MKI67: variants seen among roughly 807,000 people sequenced by gnomAD.
MKI67 encodes the protein marker of proliferation Ki-67.
In MKI67, 152 loss-of-function variants were observed where a neutral mutation model predicts 233.5. The observed-to-expected ratio is 0.65, with a 90% CI of 0.57 to 0.74. MKI67 has a LOEUF of 0.74. Ranked by LOEUF, MKI67 falls within the 30% of genes least tolerant of loss-of-function variation. The pLI is 0.00. For synonymous variants in MKI67, 1,465 were observed against 1,418.5 expected, an observed-to-expected ratio of 1.03 and a Z score of -0.74; for missense variants, 3,940 against 3,885.2, an observed-to-expected ratio of 1.01 and a Z score of -0.37.
Position 128,101,422 on chromosome 10 carries a change from C to T in MKI67, c.9541G>A (p.Val3181Ile), listed in dbSNP as rs768217731. ...EESGGQKSAK[V>I]LMQNQKGKGE... ...TTCCCTTTCTGATTCTGCATGAGAA[C>T]CTTCGCACTCTTCTGCCCTCCGCTC... The change falls in exon 14 of 15, where the codon GTT becomes ATT. Residue 3181 changes from valine (V) to isoleucine (I), a missense_variant. By Grantham distance (29) the Val-to-Ile change is conservative (BLOSUM62 3). Coordinates refer to ENST00000368654, the MANE Select transcript of MKI67 (RefSeq NM_002417.5). The T allele has an allele frequency of 5.6e-6, 9 of 1,614,064 alleles. No homozygotes were observed. The highest frequency in any genetic ancestry group is 4.5e-5 in the East Asian group (2 of 44,896).
In MKI67 at chr10:128,119,260, C is replaced by T. The variant is rs751239951; in HGVS notation, c.347G>A (p.Arg116His). The T allele has an allele frequency of 8.7e-6, 14 of 1,604,534 alleles. No homozygotes were observed. The highest frequency in any genetic ancestry group is 2.2e-5 in the East Asian group (1 of 44,788). Residue 116 changes from arginine to histidine, a missense_variant, in exon 5 of 15, where the codon CGT (arginine) becomes CAT (histidine). Transcript: ENST00000368654. ...TTGGATATTTTCTATCACCTGTTCA[C>T]GTATTTTTCTTGGAAATTCAGTTGA... Reference protein sequence around the residue: ...RKSTEFPRKIREQEPARRVSR... With the variant: ...RKSTEFPRKIHEQEPARRVSR...
rs780835481 is a variant in MKI67 at position 128,105,213 on chromosome 10, C to A, written c.6627G>T (p.Lys2209Asn). The change falls in exon 13 of 15, where the codon AAG becomes AAT. Residue 2209 changes from lysine (K) to asparagine (N), a missense_variant. Coordinates refer to ENST00000368654, the MANE Select transcript of MKI67 (RefSeq NM_002417.5). ...ELFQTPICTDKPTTHEKTTKI... is the reference protein window; with the variant it reads ...ELFQTPICTDNPTTHEKTTKI... The stretch of plus-strand genomic sequence containing the variant: ...TGGTAGTTTTCTCATGAGTCGTGGG[C>A]TTGTCAGTGCATATTGGTGTCTGGA... 6.2e-7 allele frequency: 1 copy of A among 1,613,446 alleles called. No homozygotes were observed. The highest frequency in any genetic ancestry group is 1.1e-5 in the South Asian group (1 of 91,038).
chr10:128,107,681 T>C lies in MKI67; in HGVS notation c.4159A>G (p.Thr1387Ala). ...AAAGGTGTCTTGGGCTGCCTTCTTGTGCTTGTTGGGGTGTCTGCTGATTCT... is the reference window on the plus strand; with the variant it reads ...AAAGGTGTCTTGGGCTGCCTTCTTGCGCTTGTTGGGGTGTCTGCTGATTCT... ...PPESADTPTS[T>A]RRQPKTPLEK... The change falls in exon 13 of 15, where the codon ACA becomes GCA. Residue 1387 changes from threonine (T) to alanine (A), a missense_variant. Thr to Ala is a moderately conservative substitution (Grantham distance 58). Coordinates refer to ENST00000368654, the MANE Select transcript of MKI67 (RefSeq NM_002417.5). The C allele has an allele frequency of 1.2e-6, 2 of 1,613,986 alleles. No homozygotes were observed. Among genetic ancestry groups the C allele is most frequent in the Non-Finnish European group, 1.7e-6 (2 of 1,180,018 alleles).
Position 128,110,486 on chromosome 10 carries a change from TCAA to T in MKI67, c.2305_2307del (p.Leu769del). On this transcript the variant is annotated inframe_deletion, in exon 12 of 15. Transcript: ENST00000368654. ...GAAATAGCGATGTGACATGTGCTTGTCAACTGCGGTTGCTCCTTCACTGGGGTC... is the reference window on the plus strand; with the variant it reads ...GAAATAGCGATGTGACATGTGCTTGTCTGCGGTTGCTCCTTCACTGGGGTC... 1 of 1,577,306 alleles carries T rather than the reference TCAA, an allele frequency of 6.3e-7. No individual in the cohort carries two copies. Among genetic ancestry groups the T allele is most frequent in the Admixed American group, 1.7e-5 (1 of 59,460 alleles).
In MKI67 at chr10:128,106,840, G is replaced by T; in HGVS notation, c.5000C>A (p.Thr1667Lys). 1.2e-6 allele frequency: 2 copies of T among 1,614,108 alleles called. No homozygotes were observed. Among genetic ancestry groups the T allele is most frequent in the Non-Finnish European group, 1.7e-6 (2 of 1,180,012 alleles). ...GETTHTHTEP[T>K]GDGKSMKAFM... ...TGCTTTCATGCTCTTACCATCTCCT[G>T]TTGGCTCTGTGTGTGTGTGTGTAGT... Residue 1667 changes from threonine to lysine, a missense_variant, in exon 13 of 15, where the codon ACA (threonine) becomes AAA (lysine). Transcript: ENST00000368654.
At chr10:128,118,082 T>C (rs1363346105) in intron 5 of MKI67, among the ~76,000 whole-genome samples, 1 of 152,162 alleles carries the variant, frequency 6.6e-6, no homozygotes, top group Non-Finnish European at 1.5e-5. Flanking sequence ...GCTGCTCCTC[T>C]AGGGAAGAAG....
chr10:128,107,269 A>T lies in MKI67; in HGVS notation c.4571T>A (p.Phe1524Tyr). 1 of 1,613,998 alleles carries T rather than the reference A, an allele frequency of 6.2e-7. No homozygotes were observed. The highest frequency in any genetic ancestry group is 8.5e-7 in the Non-Finnish European group (1 of 1,180,000). Reference protein sequence around the residue: ...SLRKVDVEEEFFALRKRTPSA... With the variant: ...SLRKVDVEEEYFALRKRTPSA... ...TGGTGTTCGTTTCCTGAGTGCGAAG[A>T]ATTCTTCTTCTACGTCCACTTTCCT... The change falls in exon 13 of 15, where the codon TTC (phenylalanine) becomes TAC (tyrosine). Residue 1524 changes from phenylalanine (F) to tyrosine (Y), a missense_variant. Transcript: ENST00000368654.
Position 128,119,302 on chromosome 10 carries a change from A to T in MKI67, c.305T>A (p.Leu102His). 6.2e-7 allele frequency: 1 copy of T among 1,606,354 alleles called. No individual in the cohort carries two copies. Among genetic ancestry groups the T allele is most frequent in the Non-Finnish European group, 8.5e-7 (1 of 1,173,308 alleles). Residue 102 changes from leucine (L) to histidine (H), a missense_variant, in exon 5 of 15, where the codon CTT (leucine) becomes CAT (histidine). Leu to His is a moderately conservative substitution (Grantham distance 99). Transcript: ENST00000368654. ...TTCAGTTGACTTCCTTCCATTCTGA[A>T]GACTTTCATTTTCATACCTGCAGTT... ...DRSFRYENES[L>H]QNGRKSTEFP...
chr10:128,115,247 A>G lies in MKI67; in HGVS notation c.1161T>C (p.Asp387=), dbSNP rs1852775360. 1.2e-6 allele frequency: 2 copies of G among 1,614,232 alleles called. No homozygotes were observed. The highest frequency in any genetic ancestry group is 1.1e-5 in the South Asian group (1 of 91,074). Residue 387 remains aspartate (D), a synonymous_variant, in exon 7 of 15, where the codon GAT becomes GAC. Transcript: ENST00000368654. ...LGKSEGFKAG[D]KTLTPRKLST... is the part of the protein sequence containing the mutation. ...AAAGCTTCCTGGGAGTAAGAGTTTT[A>G]TCACCAGCCTTGAAGCCTTCACTTT...
chr10:128,100,011 T>G (rs1255452374), intron 14 of MKI67, among the ~76,000 whole-genome samples: 1 of 152,248 alleles, frequency 6.6e-6, no homozygotes, highest in African/African-American at 2.4e-5. Context: ...AAGCAGCACC[T>G]TCCAGACTGT....
At chr10:128,117,872 A>T (rs1419716731) in intron 5 of MKI67, among the ~76,000 whole-genome samples, 2 of 152,248 alleles carry the variant, frequency 1.3e-5, no homozygotes, top group Non-Finnish European at 2.9e-5. Flanking sequence ...ACTCCATTTC[A>T]GTACTCACTA....
Position 128,107,756 on chromosome 10 carries a change from C to T in MKI67, c.4084G>A (p.Ala1362Thr). The T allele has an allele frequency of 1.2e-6, 2 of 1,613,236 alleles. No homozygotes were observed. Among genetic ancestry groups the T allele is most frequent in the Non-Finnish European group, 8.5e-7 (1 of 1,179,840 alleles). ...TTAGTAGTTTTGCCAGCAGCCACTG[C>T]TTCTTCAGTATGACCAGGGGTCTGG... ...LFQTPGHTEE[A>T]VAAGKTTKMP... The change falls in exon 13 of 15, where the codon GCA (alanine) becomes ACA (threonine). Residue 1362 changes from alanine to threonine, a missense_variant. Physicochemically the swap from Ala to Thr is moderately conservative, Grantham distance 58. Coordinates refer to ENST00000368654, the MANE Select transcript of MKI67 (RefSeq NM_002417.5).
At position 128,098,158 on chromosome 10, in the gene MKI67, C is replaced by T. The variant is rs189955481; in HGVS notation, c.*1032G>A. On this transcript the variant is annotated 3_prime_UTR_variant, in exon 15 of 15. Coordinates refer to ENST00000368654, the MANE Select transcript of MKI67 (RefSeq NM_002417.5). ...AAAGTGGAAAGTAAATGAAGATGAACGAGTTATATCTACAAGTCTGAAGCT... is the reference window on the plus strand; with the variant it reads ...AAAGTGGAAAGTAAATGAAGATGAATGAGTTATATCTACAAGTCTGAAGCT... 3.9e-5 allele frequency: 6 copies of T among 152,290 alleles called. No homozygotes were observed. The East Asian group carries it at 1.2e-3, about 29-fold the overall frequency. 9.4% of individuals were successfully genotyped at this position (152,290 alleles called of 1,614,324 possible).
At position 128,111,636 on chromosome 10, in the gene MKI67, C is replaced by T. The variant is rs186890071; in HGVS notation, c.2260+9G>A. On this transcript the variant is annotated intron_variant, in intron 11 of 14. Coordinates refer to ENST00000368654, the MANE Select transcript of MKI67 (RefSeq NM_002417.5). Reference sequence around the variant, plus strand: ...AAAAGATTTATAAGATCTAAGACTACGTTTTTACCTGAAAGATCTTCCTTA... The same window carrying T: ...AAAAGATTTATAAGATCTAAGACTATGTTTTTACCTGAAAGATCTTCCTTA... 326 of 1,592,736 alleles carry T rather than the reference C, an allele frequency of 2.0e-4. No individual in the cohort carries two copies. The highest frequency in any genetic ancestry group is 3.4e-4 in the Middle Eastern group (2 of 5,936).
chr10:128,114,081 GC>G (rs1334719781), intron 7 of MKI67, among the ~76,000 whole-genome samples: 3 of 152,174 alleles, frequency 2.0e-5, no homozygotes, highest in Non-Finnish European at 4.4e-5. Context: ...TAAATCCCTT[GC>G]CTAAGTGATG....
Position 128,107,252 on chromosome 10 carries a change from G to C in MKI67, c.4588C>G (p.Arg1530Gly), listed in dbSNP as rs761994707. 3.7e-6 allele frequency: 6 copies of C among 1,614,132 alleles called. No individual in the cohort carries two copies. The highest frequency in any genetic ancestry group is 5.1e-6 in the Non-Finnish European group (6 of 1,180,034). Residue 1530 changes from arginine (R) to glycine (G), a missense_variant, in exon 13 of 15, where the codon CGA becomes GGA. Physicochemically the swap from Arg to Gly is moderately radical, Grantham distance 125. Coordinates refer to ENST00000368654, the MANE Select transcript of MKI67 (RefSeq NM_002417.5). ...VEEEFFALRKRTPSAGKAMHT... is the reference protein window; with the variant it reads ...VEEEFFALRKGTPSAGKAMHT... ...ATGGCTTTGCCTGCTGATGGTGTTC[G>C]TTTCCTGAGTGCGAAGAATTCTTCT... is the stretch of plus-strand genomic sequence containing the variant.
chr10:128,101,410 T>C lies in MKI67; in HGVS notation c.9553A>G (p.Asn3185Asp), dbSNP rs1852330739. Residue 3185 changes from asparagine (N) to aspartate (D), a missense_variant, in exon 14 of 15, where the codon AAT (asparagine) becomes GAT (aspartate). Transcript: ENST00000368654. ...GQKSAKVLMQNQKGKGEAGNS... is the reference protein window; with the variant it reads ...GQKSAKVLMQDQKGKGEAGNS... ...CCTGCTTCTCCTTTCCCTTTCTGAT[T>C]CTGCATGAGAACCTTCGCACTCTTC... is the stretch of plus-strand genomic sequence containing the variant. 1.9e-6 allele frequency: 3 copies of C among 1,614,058 alleles called. No individual in the cohort carries two copies. Among genetic ancestry groups the C allele is most frequent in the Non-Finnish European group, 2.5e-6 (3 of 1,180,036 alleles).
At chr10:128,122,305 G>A (rs1852965170) in intron 4 of MKI67, among the ~76,000 whole-genome samples, 1 of 152,054 alleles carries the variant, frequency 6.6e-6, no homozygotes, top group Admixed American at 6.6e-5. Flanking sequence ...CTCTGTGCAC[G>A]TGTTCCCTAA....
chr10:128,119,460 T>G, intron 4 of MKI67, 141 bp from the exon 5 acceptor site: 1 of 592,292 alleles, frequency 1.7e-6, no homozygotes, highest in Non-Finnish European at 2.9e-6. Flanking sequence ...AGAAATAAAT[T>G]TAGAGTTAGA....
Sources: gnomAD v4.1 joint callset for allele counts (sites outside exome capture counted in the v4.1 genomes callset) on GRCh38, gnomAD v4.1.1 for gene constraint, MANE v1.5 for transcripts, NCBI Gene and HGNC (gene_info 2026-07-23, HGNC 2026-07-21) for gene names.